MDM1: variants seen among roughly 807,000 people sequenced by gnomAD.
The protein encoded by MDM1 is stabilizer of axonemal microtubules 6, also known as Mdm1 nuclear protein.
MDM1 carries 61 observed loss-of-function variants against 89.1 expected under a neutral mutation model. That is an observed-to-expected ratio of 0.68 (90% CI 0.56 to 0.85). The LOEUF (loss-of-function observed/expected upper bound fraction) is 0.85. Ranked by LOEUF, MDM1 falls within the 40% of genes least tolerant of loss-of-function variation. The pLI is 0.00. For missense variants in MDM1, 820 were observed against 846.5 expected, an observed-to-expected ratio of 0.97 and a Z score of 0.39; for synonymous variants, 290 against 294.1, an observed-to-expected ratio of 0.99 and a Z score of 0.14.
At chr12:68,317,672 C>T (rs1202670192) in intron 7 of MDM1, among the ~76,000 whole-genome samples, 2 of 152,144 alleles carry the variant, frequency 1.3e-5, no homozygotes, top group African/African-American at 4.8e-5. Flanking sequence ...GTTCATTTAT[C>T]ATTTCTATCA....
At chr12:68,330,841 G>T in intron 2 of MDM1, 2 of 391,736 alleles carry the variant, frequency 5.1e-6, no homozygotes, top group African/African-American at 2.1e-5. Flanking sequence ...TAACTTAACC[G>T]CTCAGTCAGT....
At position 68,302,619 on chromosome 12, in the gene MDM1, C is replaced by T; in HGVS notation, c.2002+1G>A. 1.2e-6 allele frequency: 2 copies of T among 1,608,600 alleles called. No homozygotes were observed. Among genetic ancestry groups the T allele is most frequent in the South Asian group, 1.1e-5 (1 of 90,352 alleles). ...CAAAAAATTAAAACCAAAATAATTA[C>T]CATTGTGCTGAAACTCTGGATCTCT... On this transcript the variant is annotated splice_donor_variant, in intron 13 of 14. Coordinates refer to ENST00000682720, the MANE Select transcript of MDM1 (RefSeq NM_001354969.2). LOFTEE classifies it high-confidence loss of function.
chr12:68,326,213 G>A (rs1875949355), intron 3 of MDM1: 3 of 1,093,926 alleles, frequency 2.7e-6, no homozygotes, highest in South Asian at 3.3e-5. Context: ...ATCTCTGAGA[G>A]ACAGCCAGAG....
chr12:68,302,101 C>G (rs912754368), intron 13 of MDM1, among the ~76,000 whole-genome samples: 1 of 152,154 alleles, frequency 6.6e-6, no homozygotes, highest in Admixed American at 6.5e-5. Context: ...CTCAGAGGCA[C>G]ATCATAAAAT....
At chr12:68,304,093 G>A (rs909862142) in intron 12 of MDM1, among the ~76,000 whole-genome samples, 2 of 152,030 alleles carry the variant, frequency 1.3e-5, no homozygotes, top group African/African-American at 2.4e-5. Context: ...GCCAGGAAAC[G>A]GAGAGAGACT....
chr12:68,314,806 A>G, intron 10 of MDM1, 142 bp downstream of exon 10: 1 of 710,972 alleles, frequency 1.4e-6, no homozygotes, highest in Non-Finnish European at 2.4e-6. Flanking sequence ...ACCATACAGC[A>G]GTGCCTCCTT....
At chr12:68,329,719 T>C (rs1238083080) in intron 2 of MDM1, among the ~76,000 whole-genome samples, 1 of 152,190 alleles carries the variant, frequency 6.6e-6, no homozygotes, top group East Asian at 1.9e-4. Flanking sequence ...GACAGAGCCC[T>C]ACTCTCAGAG....
At position 68,332,340 on chromosome 12, in the gene MDM1, C is replaced by A. The variant is rs537094879; in HGVS notation, c.-95G>T. 2.5e-5 allele frequency: 35 copies of A among 1,418,130 alleles called. No homozygotes were observed. In the South Asian group the frequency reaches 4.0e-4, roughly 16 times the overall value. 87.8% of individuals were successfully genotyped at this position (1,418,130 alleles called of 1,614,324 possible). The stretch of plus-strand genomic sequence containing the variant: ...ATAACAGTGTTCCCTAGCAAAGCCT[C>A]GGCCCGGCGTCCCCGACTACGCGCC... On this transcript the variant is annotated 5_prime_UTR_variant, in exon 1 of 15. Transcript: ENST00000682720.
intron 8 of MDM1, 57 bp downstream of exon 8, chr12:68,316,524 C>A: frequency 7.1e-7 from 1 of 1,399,902 alleles, no homozygotes; most frequent in Non-Finnish European, 9.7e-7. Flanking sequence ...TTTATTCCAA[C>A]TGAAATTACA....
In MDM1 at chr12:68,307,970, T is replaced by TA. The variant is rs952093836; in HGVS notation, c.1750-5099dup. Among the ~76,000 whole-genome samples the TA allele has an allele frequency of 1.2e-3, 160 of 137,672 alleles. 4 individuals are homozygous for TA. The South Asian group carries it at 0.022, about 19-fold the overall frequency. The allele number at this position is 137,672 out of a possible 152,430, so 90.3% of individuals were successfully genotyped here. ...AAAAAAAGTGAATATAAAATTAAAT[T>TA]AAAAAAAAAAAAAAGAATAACATCT... On this transcript the variant is annotated intron_variant, in intron 12 of 14. Coordinates refer to ENST00000682720, the MANE Select transcript of MDM1 (RefSeq NM_001354969.2).
intron 12 of MDM1, among the ~76,000 whole-genome samples, chr12:68,304,756 C>A (rs538946613): frequency 6.6e-6 from 1 of 152,292 alleles, no homozygotes; most frequent in Admixed American, 6.5e-5. Flanking sequence ...CCTCAAAAGG[C>A]CAATAGGCCT....
intron 7 of MDM1, among the ~76,000 whole-genome samples, chr12:68,319,851 A>C (rs1874985100): frequency 6.6e-6 from 1 of 152,168 alleles, no homozygotes; most frequent in Non-Finnish European, 1.5e-5. Context: ...TGACAACAAC[A>C]ATGTTCTCTT....
chr12:68,307,589 C>T (rs542046367), intron 12 of MDM1, among the ~76,000 whole-genome samples: 5 of 152,252 alleles, frequency 3.3e-5, no homozygotes, highest in Non-Finnish European at 4.4e-5. Context: ...TACAATGAGC[C>T]GTGATTGCAC....
intron 2 of MDM1, 125 bp from the exon 3 acceptor site, chr12:68,327,146 A>T: frequency 7.1e-7 from 1 of 1,408,696 alleles, no homozygotes. Flanking sequence ...ACCTATATAT[A>T]CACACAATAT....
intron 3 of MDM1, chr12:68,325,966 T>C (rs1288777227): frequency 1.0e-6 from 1 of 995,962 alleles, no homozygotes. Flanking sequence ...TCACCTTCCT[T>C]GTTCCCTTTC....
intron 8 of MDM1, 96 bp downstream of exon 8, chr12:68,316,485 G>C: frequency 9.5e-7 from 1 of 1,052,426 alleles, no homozygotes; most frequent in Non-Finnish European, 1.4e-6. Context: ...GAAATTCATA[G>C]CAGCTAAGAA....
At position 68,327,003 on chromosome 12, in the gene MDM1, C is replaced by G. The variant is rs757274716; in HGVS notation, c.152G>C (p.Ser51Thr). 6.3e-7 allele frequency: 1 copy of G among 1,596,796 alleles called. No homozygotes were observed. The highest frequency in any genetic ancestry group is 8.5e-7 in the Non-Finnish European group (1 of 1,174,716). ...SDQLGITKEP[S>T]FISKRRVPYH... ...AGGGACTCTTCTTTTTGAAATAAAACTTGGCTCTTTCGTGATGCCTACAAA... is the reference window on the plus strand; with the variant it reads ...AGGGACTCTTCTTTTTGAAATAAAAGTTGGCTCTTTCGTGATGCCTACAAA... Residue 51 changes from serine to threonine, a missense_variant, in exon 3 of 15, where the codon AGT becomes ACT. Physicochemically the swap from Ser to Thr is moderately conservative, Grantham distance 58. Coordinates refer to ENST00000682720, the MANE Select transcript of MDM1 (RefSeq NM_001354969.2).
In MDM1 at chr12:68,295,333, G is replaced by A. The variant is rs150921104; in HGVS notation, c.2096C>T (p.Ser699Phe). 1.9e-3 allele frequency: 3,086 copies of A among 1,612,998 alleles called. 8 individuals are homozygous for A. Among genetic ancestry groups the A allele is most frequent in the Non-Finnish European group, 2.5e-3 (2,942 of 1,179,520 alleles). ...EDRLSEISAR[S>F]AASSLRAFQT... ...AAAAGCCCGGAGACTAGAAGCTGCA[G>A]AGCGAGCAGAAATCTCAGACAATCT... The change falls in exon 15 of 15, where the codon TCT (serine) becomes TTT (phenylalanine). Residue 699 changes from serine (S) to phenylalanine (F), a missense_variant. Physicochemically the swap from Ser to Phe is radical, Grantham distance 155. Transcript: ENST00000682720.
At chr12:68,316,054 T>C (rs984840003) in intron 9 of MDM1, 24 bp downstream of exon 9, 13 of 1,573,466 alleles carry the variant, frequency 8.3e-6, no homozygotes, top group Non-Finnish European at 1.1e-5. Flanking sequence ...AAACTTTTTT[T>C]GCCATCCACA....
Sources: allele counts gnomAD v4.1 joint callset (sites outside exome capture counted in the v4.1 genomes callset), GRCh38; gene constraint gnomAD v4.1.1; transcripts MANE v1.5; gene names NCBI Gene and HGNC (gene_info 2026-07-23, HGNC 2026-07-21).